Variants in PCSK5 observed in about 807,000 individuals in gnomAD.
PCSK5 encodes the protein prohormone convertase 5.
In PCSK5, 129 loss-of-function variants were observed where a neutral mutation model predicts 233.2. The observed-to-expected ratio is 0.55, with a 90% CI of 0.48 to 0.64. The LOEUF is 0.64. Among genes scored for constraint, PCSK5 ranks in the 30% least tolerant of loss-of-function variants. PCSK5 has a pLI of 0.00. For missense variants in PCSK5, 2,076 were observed against 2,430.1 expected (o/e 0.85, Z 3.06); for synonymous variants, 825 against 879.2 (o/e 0.94, Z 1.09).
intron 3 of PCSK5, among the ~76,000 whole-genome samples, chr9:76,016,679 T>C (rs561537529): frequency 6.6e-6 from 1 of 152,324 alleles, no homozygotes; most frequent in South Asian, 2.1e-4. Flanking sequence ...ATGTGTTTCT[T>C]GGTTTATTGG....
intron 35 of PCSK5, among the ~76,000 whole-genome samples, chr9:76,347,836 A>G (rs1358293040): frequency 6.6e-6 from 1 of 151,776 alleles, no homozygotes; most frequent in African/African-American, 2.4e-5. Flanking sequence ...CTAGTTATGG[A>G]CTGTTCTCCC....
At chr9:75,995,123 T>G (rs1826955152) in intron 3 of PCSK5, among the ~76,000 whole-genome samples, 1 of 152,202 alleles carries the variant, frequency 6.6e-6, no homozygotes, top group African/African-American at 2.4e-5. Flanking sequence ...TCCCTTGAGA[T>G]TCCCATAATC....
intron 30 of PCSK5, among the ~76,000 whole-genome samples, chr9:76,318,451 G>A (rs752985862): frequency 6.0e-5 from 9 of 150,240 alleles, no homozygotes; most frequent in African/African-American, 2.2e-4. Flanking sequence ...CACATGTACC[G>A]CAGAATTTAA....
intron 10 of PCSK5, among the ~76,000 whole-genome samples, chr9:76,146,147 A>T (rs142853097): frequency 1.4e-3 from 218 of 152,288 alleles, no homozygotes; most frequent in Middle Eastern, 3.4e-3. Flanking sequence ...AATGGCTTCA[A>T]CAGGCTTCAT....
intron 14 of PCSK5, 127 bp downstream of exon 14, chr9:76,175,256 G>GAATCGAATCGAATCGAATCGAATCGAATC (rs765574669): frequency 3.0e-6 from 2 of 675,040 alleles, no homozygotes; most frequent in Non-Finnish European, 5.1e-6. Context: ...GGAATGGAAT[G>GAATCGAATCGAATCGAATCGAATCGAATC]GAATGGAATG....
intron 20 of PCSK5, among the ~76,000 whole-genome samples, chr9:76,196,145 A>G (rs1197775505): frequency 6.6e-6 from 1 of 152,254 alleles, no homozygotes; most frequent in Admixed American, 6.5e-5. Flanking sequence ...GCTGTGAAAA[A>G]AAATCCATAA....
chr9:76,263,892 T>C (rs1261944044), intron 24 of PCSK5, among the ~76,000 whole-genome samples: 1 of 152,138 alleles, frequency 6.6e-6, no homozygotes, highest in Non-Finnish European at 1.5e-5. Flanking sequence ...TGCTCAAAGC[T>C]ATGAGATTCA....
chr9:76,099,537 G>C (rs531730740), intron 8 of PCSK5, among the ~76,000 whole-genome samples: 1 of 152,130 alleles, frequency 6.6e-6, no homozygotes, highest in East Asian at 1.9e-4. Flanking sequence ...AAAACACTGC[G>C]ATCTGTTCCA....
In PCSK5 at chr9:76,175,143, C is replaced by T. The variant is rs775236201; in HGVS notation, c.1900+14C>T. 2 of 1,611,504 alleles carry T rather than the reference C, an allele frequency of 1.2e-6. No individual in the cohort carries two copies. The highest frequency in any genetic ancestry group is 8.5e-7 in the Non-Finnish European group (1 of 1,179,018). On this transcript the variant is annotated intron_variant, in intron 14 of 37. Transcript: ENST00000674117. ...AGGATTATGCAGGTGAGCTGGCTTCCAGTGGGACACAGGCTAAAAAGAGGC... is the reference window on the plus strand; with the variant it reads ...AGGATTATGCAGGTGAGCTGGCTTCTAGTGGGACACAGGCTAAAAAGAGGC...
At chr9:76,229,551 C>G (rs1826009829) in intron 21 of PCSK5, among the ~76,000 whole-genome samples, 1 of 152,178 alleles carries the variant, frequency 6.6e-6, no homozygotes, top group Non-Finnish European at 1.5e-5. Flanking sequence ...TCTGTTCTGA[C>G]CCATGCTCAA....
In PCSK5 at chr9:76,181,358, C is replaced by G. The variant is rs1315671527; in HGVS notation, c.2004-40C>G. 12 of 1,562,832 alleles carry G rather than the reference C, an allele frequency of 7.7e-6. No homozygotes were observed. The African/African-American group carries it at 1.2e-4, about 16-fold the overall frequency. ...CAAGAGAATGCTGGGGACTGGTTTG[C>G]TCATGACGCTGCCTTCTTTCTTATT... On this transcript the variant is annotated intron_variant, in intron 15 of 37. Transcript: ENST00000674117.
chr9:76,132,577 C>T (rs1356638254), intron 9 of PCSK5, among the ~76,000 whole-genome samples: 3 of 152,040 alleles, frequency 2.0e-5, no homozygotes, highest in Non-Finnish European at 4.4e-5. Context: ...TGTCAGAACT[C>T]AATAGTACTT....
At chr9:76,001,154 A>G (rs1827243662) in intron 3 of PCSK5, among the ~76,000 whole-genome samples, 1 of 152,160 alleles carries the variant, frequency 6.6e-6, no homozygotes, top group Non-Finnish European at 1.5e-5. Context: ...AGTGTCACCA[A>G]TATAATTACT....
chr9:75,924,332 G>C lies in PCSK5; in HGVS notation c.193-8047G>C, dbSNP rs1823384036. Among the ~76,000 whole-genome samples the C allele has an allele frequency of 2.0e-5, 3 of 152,114 alleles. No individual in the cohort carries two copies. The South Asian group carries it at 6.2e-4, about 32-fold the overall frequency. On this transcript the variant is annotated intron_variant, in intron 1 of 37. Transcript: ENST00000674117. ...TTTAGGAAGGAATCAAGGATACTCT[G>C]AATGATTGACTTGAAACTAAAGTCT...
chr9:76,101,388 A>G lies in PCSK5; in HGVS notation c.1107+5286A>G, dbSNP rs142920644. On this transcript the variant is annotated intron_variant, in intron 8 of 37. Coordinates refer to ENST00000674117, the MANE Select transcript of PCSK5 (RefSeq NM_001372043.1). ...TTTAGCATAGAAAATTGCCAGCAGG[A>G]ATCCTGCAACATGATAAAGCTGTTC... Among the ~76,000 whole-genome samples, 274 of 152,312 alleles carry G rather than the reference A, an allele frequency of 1.8e-3. 1 individual carries two copies. Among genetic ancestry groups the G allele is most frequent in the African/African-American group, 6.2e-3 (259 of 41,586 alleles).
chr9:75,982,537 G>T (rs1297886298), intron 2 of PCSK5, among the ~76,000 whole-genome samples: 3 of 152,084 alleles, frequency 2.0e-5, no homozygotes, highest in Non-Finnish European at 4.4e-5. Flanking sequence ...ATTTGCTTTT[G>T]TCTTAATATG....
At chr9:76,206,597 G>A (rs1011994761) in intron 20 of PCSK5, among the ~76,000 whole-genome samples, 1 of 152,186 alleles carries the variant, frequency 6.6e-6, no homozygotes, top group Non-Finnish European at 1.5e-5. Context: ...GTCCACAAGG[G>A]CAATGCTAAG....
intron 2 of PCSK5, among the ~76,000 whole-genome samples, chr9:75,943,670 A>G (rs940201198): frequency 2.6e-5 from 4 of 152,200 alleles, no homozygotes; most frequent in African/African-American, 9.7e-5. Flanking sequence ...GGTGAGCTCT[A>G]CCCATCAATC....
intron 1 of PCSK5, among the ~76,000 whole-genome samples, chr9:75,922,913 T>A (rs1823316486): frequency 1.3e-5 from 2 of 152,170 alleles, no homozygotes; most frequent in Non-Finnish European, 2.9e-5. Flanking sequence ...AATCAGATGT[T>A]TTTGATTACC....
Sources: allele counts gnomAD v4.1 joint callset (sites outside exome capture counted in the v4.1 genomes callset), GRCh38; gene constraint gnomAD v4.1.1; transcripts MANE v1.5; gene names NCBI Gene and HGNC (gene_info 2026-07-23, HGNC 2026-07-21).